The following ITGA6 variants were observed in gnomAD, a reference collection of about 807,000 sequenced individuals.
ITGA6 encodes the protein integrin subunit alpha 6.
In ITGA6, 63 loss-of-function variants were observed where a neutral mutation model predicts 133.6. The ratio of observed to expected loss-of-function variants is 0.47; its 90% CI spans 0.38 to 0.58. The LOEUF is 0.58. Ranked by LOEUF, ITGA6 falls within the 20% of genes least tolerant of loss-of-function variation. ITGA6 has a pLI of 0.00. For synonymous variants in ITGA6, 434 were observed against 482.0 expected, an observed-to-expected ratio of 0.90 and a Z score of 1.30; for missense variants, 1,068 against 1,309.4, an observed-to-expected ratio of 0.82 and a Z score of 2.85.
At chr2:172,473,944 G>C in intron 5 of ITGA6, 111 bp from the exon 6 acceptor site, 3 of 697,440 alleles carry the variant, frequency 4.3e-6, no homozygotes, top group Non-Finnish European at 7.5e-6. Flanking sequence ...GGAGGGTCAA[G>C]AGGAGAGAGG....
At chr2:172,503,435 G>A (rs1040331163) in intron 25 of ITGA6, 1 of 152,144 alleles carries the variant, frequency 6.6e-6, no homozygotes, top group Non-Finnish European at 1.5e-5. Flanking sequence ...ATGCACTTCT[G>A]AAGTCCTATG....
intron 24 of ITGA6, among the ~76,000 whole-genome samples, chr2:172,501,402 G>A (rs775054660): frequency 5.9e-5 from 9 of 152,098 alleles, no homozygotes; most frequent in Non-Finnish European, 1.0e-4. Flanking sequence ...ATAAACTGCC[G>A]AAGTCAATCT....
At chr2:172,501,747 G>C in intron 24 of ITGA6, 25 bp from the exon 25 acceptor site, 2 of 1,609,114 alleles carry the variant, frequency 1.2e-6, no homozygotes, top group Non-Finnish European at 1.7e-6. Context: ...CTGTAAAATT[G>C]ACTAAATACC....
rs756521834 is a variant in ITGA6 at position 172,474,051 on chromosome 2, C to G, written c.776-4C>G. 6.2e-7 allele frequency: 1 copy of G among 1,609,422 alleles called. No homozygotes were observed. Among genetic ancestry groups the G allele is most frequent in the South Asian group, 1.1e-5 (1 of 90,896 alleles). ...GAGGGGCTCTATATATTTTGTTTTT[C>G]TAGGTTTTTCTTTGGACTCAGGGAA... On this transcript the variant is annotated splice_region_variant and splice_polypyrimidine_tract_variant and intron_variant, in intron 5 of 25. Coordinates refer to ENST00000684293, the MANE Select transcript of ITGA6 (RefSeq NM_000210.4).
In ITGA6 at chr2:172,489,494, T is replaced by A. The variant is rs374581804; in HGVS notation, c.2515T>A (p.Leu839Ile). 16 of 1,612,278 alleles carry A rather than the reference T, an allele frequency of 9.9e-6. No homozygotes were observed. The East Asian group carries it at 1.6e-4, about 16-fold the overall frequency. The change falls in exon 20 of 26, where the codon TTA becomes ATA. Residue 839 changes from leucine to isoleucine, a missense_variant. Physicochemically the swap from Leu to Ile is conservative, Grantham distance 5. Around this residue, in one of 3 missense-constraint regions of ITGA6, gnomAD observed 609 missense variants for 707.2 expected, o/e 0.86. Transcript: ENST00000684293. ...LIEYEFRVIN[L>I]GKPLTNLGTA... ...TATTATTTTCTAACAGGTAATAAACTTAGGTAAACCTCTTACAAACCTCGG... is the reference window on the plus strand; with the variant it reads ...TATTATTTTCTAACAGGTAATAAACATAGGTAAACCTCTTACAAACCTCGG...
At chr2:172,449,855 A>G (rs1249850490) in intron 1 of ITGA6, among the ~76,000 whole-genome samples, 1 of 138,296 alleles carries the variant, frequency 7.2e-6, no homozygotes, top group East Asian at 2.3e-4. Flanking sequence ...CGGGAGGCAG[A>G]GGTTGTAGTG....
intron 24 of ITGA6, among the ~76,000 whole-genome samples, chr2:172,500,067 G>A (rs1300336794): frequency 6.6e-6 from 1 of 152,058 alleles, no homozygotes; most frequent in Non-Finnish European, 1.5e-5. Flanking sequence ...ATATGTTAAA[G>A]TCATAGGATT....
chr2:172,498,141 T>TA (rs772468895), intron 24 of ITGA6, 41 bp downstream of exon 24: 2 of 1,589,680 alleles, frequency 1.3e-6, no homozygotes, highest in South Asian at 2.2e-5. Flanking sequence ...ACAAACTTTA[T>TA]TTCATGTTTT....
chr2:172,487,333 C>T lies in ITGA6; in HGVS notation c.2040C>T (p.Asn680=), dbSNP rs1686728163. The T allele has an allele frequency of 1.9e-6, 3 of 1,614,016 alleles. No homozygotes were observed. The highest frequency in any genetic ancestry group is 2.5e-6 in the Non-Finnish European group (3 of 1,179,838). Residue 680 remains asparagine (N), a synonymous_variant, in exon 15 of 26, where the codon AAC becomes AAT. Coordinates refer to ENST00000684293, the MANE Select transcript of ITGA6 (RefSeq NM_000210.4). Reference sequence around the variant, plus strand: ...TTGCTTTAGAAATAACAGTGACAAACAGCCCTTCCAACCCAAGGAATCCCA... The same window carrying T: ...TTGCTTTAGAAATAACAGTGACAAATAGCCCTTCCAACCCAAGGAATCCCA... ...KDIALEITVT[N]SPSNPRNPTK...
In ITGA6 at chr2:172,450,328, G is replaced by A. The variant is rs140935306; in HGVS notation, c.183-15211G>A. ...GGGCTCGGGTGGAACAAGAGTAGAA[G>A]CAAACCAGTTAGAATGATACTATAG... is the stretch of plus-strand genomic sequence containing the variant. On this transcript the variant is annotated intron_variant, in intron 1 of 25. Coordinates refer to ENST00000684293, the MANE Select transcript of ITGA6 (RefSeq NM_000210.4). 1.6e-3 allele frequency among the ~76,000 whole-genome samples: 251 copies of A among 152,294 alleles called. 1 individual carries two copies. Among genetic ancestry groups the A allele is most frequent in the Non-Finnish European group, 3.0e-3 (205 of 68,014 alleles).
At chr2:172,442,942 A>C (rs897293737) in intron 1 of ITGA6, among the ~76,000 whole-genome samples, 2 of 151,988 alleles carry the variant, frequency 1.3e-5, no homozygotes, top group African/African-American at 4.8e-5. Flanking sequence ...CCTCGTGTCC[A>C]TGGACTGACC....
chr2:172,448,407 G>A (rs1032325903), intron 1 of ITGA6, among the ~76,000 whole-genome samples: 3 of 152,142 alleles, frequency 2.0e-5, no homozygotes, highest in Non-Finnish European at 1.5e-5. Flanking sequence ...CTTACCAGCT[G>A]TGTGACCTTG....
chr2:172,442,875 AT>A (rs922966424), intron 1 of ITGA6, among the ~76,000 whole-genome samples: 238 of 145,966 alleles, frequency 1.6e-3, no homozygotes, highest in Admixed American at 1.4e-3. Flanking sequence ...GTGGGCGCTG[AT>A]TTTTTTTTTT....
intron 1 of ITGA6, among the ~76,000 whole-genome samples, chr2:172,439,405 T>C (rs1684450965): frequency 6.6e-6 from 1 of 151,882 alleles, no homozygotes; most frequent in Non-Finnish European, 1.5e-5. Context: ...ATTATTGGTA[T>C]AGACCTTGAG....
At chr2:172,440,916 G>A (rs1382768918) in intron 1 of ITGA6, among the ~76,000 whole-genome samples, 1 of 152,160 alleles carries the variant, frequency 6.6e-6, no homozygotes, top group African/African-American at 2.4e-5. Flanking sequence ...TGAAGCTGAG[G>A]CTTGATTTGT....
At chr2:172,433,367 T>C (rs1684185646) in intron 1 of ITGA6, among the ~76,000 whole-genome samples, 1 of 152,198 alleles carries the variant, frequency 6.6e-6, no homozygotes, top group South Asian at 2.1e-4. Context: ...TGAGTCAGAC[T>C]AGCTTTTCTC....
intron 1 of ITGA6, among the ~76,000 whole-genome samples, chr2:172,459,278 C>T (rs185801714): frequency 6.6e-6 from 1 of 152,024 alleles, no homozygotes; most frequent in Non-Finnish European, 1.5e-5. Context: ...TCAAGGTAGG[C>T]GGATCCCTTG....
At chr2:172,466,708 A>T (rs12616959) in intron 2 of ITGA6, among the ~76,000 whole-genome samples, 41,476 of 152,130 alleles carry the variant, frequency 0.27, 7,673 homozygotes, top group East Asian at 0.79. Flanking sequence ...TATGAAGAAT[A>T]AAAAAACCCA....
chr2:172,466,016 C>T (rs924576669), intron 2 of ITGA6: 1 of 360,618 alleles, frequency 2.8e-6, no homozygotes, highest in Admixed American at 4.2e-5. Flanking sequence ...CAAAAGTTCT[C>T]ACATGCTGTT....
Sources: gnomAD v4.1 joint callset for allele counts (sites outside exome capture counted in the v4.1 genomes callset) on GRCh38, gnomAD v4.1.1 for gene constraint, gnomAD v4.1.1 regional missense constraint, MANE v1.5 for transcripts, NCBI Gene and HGNC (gene_info 2026-07-23, HGNC 2026-07-21) for gene names.